The following TBL1XR1 variants were observed in gnomAD, a reference collection of about 807,000 sequenced individuals.
TBL1XR1 encodes the protein TBL1X/Y related 1.
Under a neutral mutation model 66.9 loss-of-function variants are expected in TBL1XR1, and 5 were observed. That is an observed-to-expected ratio of 0.07 (90% CI 0.04 to 0.16). The LOEUF is 0.16. Ranked by LOEUF, TBL1XR1 falls within the 10% of genes least tolerant of loss-of-function variation. The probability of loss-of-function intolerance (pLI) is 1.00; values close to 1 mark genes in which losing one functional copy is unlikely to be tolerated. For missense variants in TBL1XR1, 238 were observed against 623.2 expected, an observed-to-expected ratio of 0.38 and a Z score of 6.58; for synonymous variants, 210 against 206.0, an observed-to-expected ratio of 1.02 and a Z score of -0.17.
chr3:177,051,436 G>T (rs1248473251), intron 5 of TBL1XR1, 68 bp downstream of exon 5: 2 of 1,415,552 alleles, frequency 1.4e-6, no homozygotes, highest in African/African-American at 1.5e-5. Flanking sequence ...CATGTACCCC[G>T]AATTAAAAGT....
chr3:177,078,539 TATA>T, intron 2 of TBL1XR1: 1 of 149,610 alleles, frequency 6.7e-6, no homozygotes, highest in Middle Eastern at 3.5e-3. Flanking sequence ...GAGCTATGAT[TATA>T]CCACCACTGC....
chr3:177,162,860 A>G (rs890586212), intron 1 of TBL1XR1, among the ~76,000 whole-genome samples: 5 of 152,232 alleles, frequency 3.3e-5, no homozygotes, highest in African/African-American at 7.2e-5. Flanking sequence ...CACTAAAGTA[A>G]TATCTTCACT....
chr3:177,177,583 T>C (rs1035280911), intron 1 of TBL1XR1, among the ~76,000 whole-genome samples: 1 of 152,264 alleles, frequency 6.6e-6, no homozygotes, highest in African/African-American at 2.4e-5. Flanking sequence ...TTGCCATCTT[T>C]AAGTATGGCA....
intron 1 of TBL1XR1, among the ~76,000 whole-genome samples, chr3:177,140,237 T>C (rs964247664): frequency 1.3e-5 from 2 of 152,172 alleles, no homozygotes; most frequent in Non-Finnish European, 2.9e-5. Flanking sequence ...GAGGCGGAAG[T>C]TGCAGTGAGC....
chr3:177,105,413 G>T (rs1305969559), intron 1 of TBL1XR1, among the ~76,000 whole-genome samples: 2 of 152,124 alleles, frequency 1.3e-5, no homozygotes, highest in South Asian at 4.1e-4. Flanking sequence ...TAATATGAAG[G>T]GGGGATATCA....
At chr3:177,131,356 C>A in intron 1 of TBL1XR1, 1 of 985,362 alleles carries the variant, frequency 1.0e-6, no homozygotes, top group Non-Finnish European at 1.2e-6. Context: ...AAGAGAATCA[C>A]ACTCACTTTT....
chr3:177,046,379 C>T (rs41273613), intron 9 of TBL1XR1, among the ~76,000 whole-genome samples, 190 bp from the exon 10 acceptor site: 255 of 152,158 alleles, frequency 1.7e-3, no homozygotes, highest in Middle Eastern at 3.4e-3. Flanking sequence ...TTTGATTCTT[C>T]CCTGATGATT....
chr3:177,129,647 CTGTAGTCTGTACCTTTTAA>C (rs967235444), intron 1 of TBL1XR1, among the ~76,000 whole-genome samples: 8 of 152,132 alleles, frequency 5.3e-5, no homozygotes, highest in Non-Finnish European at 8.8e-5. Flanking sequence ...ACTTCACCAT[CTGTAGTCTGTACCTTTTAA>C]TGTATTCTGC....
At chr3:177,109,894 G>C (rs1033240791) in intron 1 of TBL1XR1, among the ~76,000 whole-genome samples, 1 of 152,118 alleles carries the variant, frequency 6.6e-6, no homozygotes, top group Non-Finnish European at 1.5e-5. Flanking sequence ...CTGTATGCTC[G>C]ATGTTCTGTG....
At chr3:177,103,332 A>G (rs1177282889) in intron 1 of TBL1XR1, among the ~76,000 whole-genome samples, 2 of 152,204 alleles carry the variant, frequency 1.3e-5, no homozygotes, top group Non-Finnish European at 2.9e-5. Context: ...AACTAAATAT[A>G]TTTACTTCTT....
chr3:177,120,249 GCTGT>G (rs1369688465), intron 1 of TBL1XR1, among the ~76,000 whole-genome samples: 1 of 151,768 alleles, frequency 6.6e-6, no homozygotes. Flanking sequence ...CTATCTAGAG[GCTGT>G]CTACCTTTCA....
intron 1 of TBL1XR1, among the ~76,000 whole-genome samples, chr3:177,171,112 G>A (rs557542566): frequency 2.8e-4 from 42 of 149,554 alleles, no homozygotes; most frequent in African/African-American, 9.1e-4. Context: ...AGGCCGAGGC[G>A]AGCGGATCAC....
chr3:177,051,798 C>A, intron 4 of TBL1XR1, 72 bp from the exon 5 acceptor site: 1 of 1,330,132 alleles, frequency 7.5e-7, no homozygotes, highest in Non-Finnish European at 9.7e-7. Context: ...TATACAAAAT[C>A]AGAAATGAAA....
chr3:177,081,515 TGA>T (rs964700628), intron 2 of TBL1XR1, among the ~76,000 whole-genome samples: 1 of 152,088 alleles, frequency 6.6e-6, no homozygotes, highest in African/African-American at 2.4e-5. Flanking sequence ...TCTGGGAGGC[TGA>T]GAGAGAAGAA....
intron 1 of TBL1XR1, among the ~76,000 whole-genome samples, chr3:177,142,439 A>G (rs1729744228): frequency 6.6e-6 from 1 of 152,190 alleles, no homozygotes; most frequent in African/African-American, 2.4e-5. Flanking sequence ...GGAAAGGGAC[A>G]GAAACTTTCA....
intron 2 of TBL1XR1, among the ~76,000 whole-genome samples, chr3:177,097,982 G>A (rs530389841): frequency 1.3e-5 from 2 of 152,106 alleles, no homozygotes; most frequent in Admixed American, 6.6e-5. Flanking sequence ...TCAGGTGGGC[G>A]GATCACCTGC....
At chr3:177,113,323 T>A (rs1274660754) in intron 1 of TBL1XR1, among the ~76,000 whole-genome samples, 2 of 152,138 alleles carry the variant, frequency 1.3e-5, no homozygotes, top group African/African-American at 4.8e-5. Context: ...AGGATTTTCT[T>A]TGGATAGGAC....
chr3:177,084,236 G>A (rs1330929174), intron 2 of TBL1XR1, among the ~76,000 whole-genome samples: 1 of 152,018 alleles, frequency 6.6e-6, no homozygotes, highest in Non-Finnish European at 1.5e-5. Context: ...CATTGCCAAT[G>A]CCTTAGAAAG....
At position 177,051,589 on chromosome 3, in the gene TBL1XR1, G is replaced by A. The variant is rs780887368; in HGVS notation, c.342C>T (p.Ala114=). The A allele has an allele frequency of 2.1e-5, 34 of 1,612,112 alleles. No homozygotes were observed. The highest frequency in any genetic ancestry group is 1.7e-4 in the Middle Eastern group (1 of 6,058). The change falls in exon 5 of 16, where the codon GCC becomes GCT. Residue 114 remains alanine (A), a synonymous_variant. Coordinates refer to ENST00000457928, the MANE Select transcript of TBL1XR1 (RefSeq NM_024665.7). Reference sequence around the variant, plus strand: ...ATCCTTGTTGGCTGGCTGCAGCTGCGGCAGCTGCAGCAGCTGCTGCCTGTT... The same window carrying A: ...ATCCTTGTTGGCTGGCTGCAGCTGCAGCAGCTGCAGCAGCTGCTGCCTGTT... ...AQQQAAAAAA[A]AAAASQQGSA...
Sources: allele counts gnomAD v4.1 joint callset (sites outside exome capture counted in the v4.1 genomes callset), GRCh38; gene constraint gnomAD v4.1.1; transcripts MANE v1.5; gene names NCBI Gene and HGNC (gene_info 2026-07-23, HGNC 2026-07-21).